The following EYA3 variants were observed in gnomAD, a reference collection of about 807,000 sequenced individuals.
EYA3 encodes protein phosphatase EYA3.
EYA3 carries 39 observed loss-of-function variants against 80.0 expected under a neutral mutation model. The observed-to-expected ratio is 0.49, with a 90% CI of 0.38 to 0.64. The LOEUF (loss-of-function observed/expected upper bound fraction) is 0.64, where lower values mean the gene tolerates loss of function less well. Ranked by LOEUF, EYA3 falls within the 30% of genes least tolerant of loss-of-function variation. The probability of loss-of-function intolerance (pLI) is 0.00; values close to 1 mark genes in which losing one functional copy is unlikely to be tolerated. For synonymous variants in EYA3, 206 were observed against 232.8 expected (o/e 0.88, Z 1.05); for missense variants, 523 against 676.1 (o/e 0.77, Z 2.51).
In EYA3 at chr1:27,978,414, A is replaced by G. The variant is rs1639086428; in HGVS notation, c.1601T>C (p.Val534Ala). ...SRFGKKVTYVVIGDGRDEEIA... is the reference protein window; with the variant it reads ...SRFGKKVTYVAIGDGRDEEIA... ...TTCTTCATCTCGTCCATCTCCAATCACTACATATGTGACTTTCTTTCCAAA... is the reference window on the plus strand; with the variant it reads ...TTCTTCATCTCGTCCATCTCCAATCGCTACATATGTGACTTTCTTTCCAAA... The change falls in exon 17 of 18, where the codon GTG becomes GCG. Residue 534 changes from valine to alanine, a missense_variant. Val to Ala is a moderately conservative substitution (Grantham distance 64). Coordinates refer to ENST00000373871, the MANE Select transcript of EYA3 (RefSeq NM_001990.4). 6.2e-7 allele frequency: 1 copy of G among 1,613,946 alleles called. No homozygotes were observed. The highest frequency in any genetic ancestry group is 8.5e-7 in the Non-Finnish European group (1 of 1,179,982).
In EYA3 at chr1:28,040,865, C is replaced by T. The variant is rs187001591; in HGVS notation, c.157+1706G>A. On this transcript the variant is annotated intron_variant, in intron 4 of 17. Transcript: ENST00000373871. ...CAAGGGCGGAGGGGCAGGGGGGGGT[C>T]GGGGGAGCAGTGTTTATGTTTTAAA... 1.1e-3 allele frequency among the ~76,000 whole-genome samples: 128 copies of T among 113,894 alleles called. 2 individuals are homozygous for T. Among genetic ancestry groups the T allele is most frequent in the African/African-American group, 4.0e-3 (122 of 30,552 alleles). 74.7% of individuals were successfully genotyped at this position (113,894 alleles called of 152,430 possible).
intron 8 of EYA3, among the ~76,000 whole-genome samples, chr1:28,014,417 C>CAAAA (rs1173842687): frequency 8.1e-5 from 4 of 49,540 alleles, no homozygotes; most frequent in Non-Finnish European, 1.6e-4. Context: ...CACACTGTCT[C>CAAAA]AAAAAAAAAA....
intron 1 of EYA3, among the ~76,000 whole-genome samples, chr1:28,058,855 C>G (rs914910869): frequency 1.3e-5 from 2 of 152,130 alleles, no homozygotes; most frequent in East Asian, 3.9e-4. Context: ...GTCCTACTGA[C>G]AGGAGACAAA....
chr1:28,036,507 G>A (rs969883822), intron 5 of EYA3, among the ~76,000 whole-genome samples: 4 of 152,162 alleles, frequency 2.6e-5, no homozygotes, highest in African/African-American at 9.7e-5. Flanking sequence ...GTAGAGATGG[G>A]TTCCAATATC....
chr1:28,083,763 T>C (rs184316551), intron 1 of EYA3, among the ~76,000 whole-genome samples: 1 of 152,338 alleles, frequency 6.6e-6, no homozygotes, highest in Admixed American at 6.5e-5. Context: ...TATTTAATTC[T>C]AATTATGTTG....
At chr1:27,977,038 T>G (rs1342068408) in intron 17 of EYA3, 46 of 985,130 alleles carry the variant, frequency 4.7e-5, no homozygotes, top group Non-Finnish European at 5.2e-5. Flanking sequence ...TATTCTGTTG[T>G]AGATGATTAA....
chr1:27,991,417 A>G (rs1640052803), intron 14 of EYA3, among the ~76,000 whole-genome samples: 1 of 152,180 alleles, frequency 6.6e-6, no homozygotes, highest in African/African-American at 2.4e-5. Flanking sequence ...ACTACCCAAG[A>G]CTAGATATCT....
At position 27,993,448 on chromosome 1, in the gene EYA3, A is replaced by G. The variant is rs1292107854; in HGVS notation, c.1255T>C (p.Tyr419His). 4 of 1,613,560 alleles carry G rather than the reference A, an allele frequency of 2.5e-6. No homozygotes were observed. Among genetic ancestry groups the G allele is most frequent in the Non-Finnish European group, 3.4e-6 (4 of 1,179,800 alleles). Residue 419 changes from tyrosine (Y) to histidine (H), a missense_variant, in exon 14 of 18, where the codon TAC becomes CAC. By Grantham distance (83) the Tyr-to-His change is moderately conservative. Coordinates refer to ENST00000373871, the MANE Select transcript of EYA3 (RefSeq NM_001990.4). Reference protein sequence around the residue: ...VDWMRKLAFRYRKVREIYDKH... With the variant: ...VDWMRKLAFRHRKVREIYDKH... ...TCATAGATTTCTCTCACTTTCCGGTAGCGGAAAGCTAGTTTCCTCATCCAG... is the reference window on the plus strand; with the variant it reads ...TCATAGATTTCTCTCACTTTCCGGTGGCGGAAAGCTAGTTTCCTCATCCAG...
intron 4 of EYA3, among the ~76,000 whole-genome samples, chr1:28,040,031 G>T (rs927921520): frequency 6.6e-6 from 1 of 152,082 alleles, no homozygotes; most frequent in African/African-American, 2.4e-5. Flanking sequence ...AACATCCTAG[G>T]AGACTGAGGC....
intron 1 of EYA3, among the ~76,000 whole-genome samples, chr1:28,074,481 T>C (rs1645134327): frequency 6.6e-6 from 1 of 151,842 alleles, no homozygotes; most frequent in South Asian, 2.1e-4. Context: ...TTTAGTTATT[T>C]AGACATGGTT....
chr1:28,063,971 A>G (rs1644736690), intron 1 of EYA3, among the ~76,000 whole-genome samples: 1 of 146,320 alleles, frequency 6.8e-6, no homozygotes, highest in Admixed American at 6.9e-5. Context: ...ATTTTAGACA[A>G]TTTTTTTTTT....
rs1280825209 is a variant in EYA3, at chr1:27,975,728, C to T, written c.1642-1182G>A. ...TCTTGATCTCCTGACCTCATGATCG[C>T]CCGTCTTGGCCTCCCAAAGTGTTGG... On this transcript the variant is annotated intron_variant, in intron 17 of 17. Coordinates refer to ENST00000373871, the MANE Select transcript of EYA3 (RefSeq NM_001990.4). Among the ~76,000 whole-genome samples the T allele has an allele frequency of 2.6e-5, 4 of 152,248 alleles. 1 individual carries two copies. Among genetic ancestry groups the T allele is most frequent in the Admixed American group, 2.0e-4 (3 of 15,292 alleles).
At chr1:28,051,122 A>G (rs1644230735) in intron 2 of EYA3, among the ~76,000 whole-genome samples, 1 of 152,212 alleles carries the variant, frequency 6.6e-6, no homozygotes, top group Non-Finnish European at 1.5e-5. Context: ...CAGTAATACA[A>G]GCTGCCAGGA....
In EYA3 at chr1:28,009,404, C is replaced by T. The variant is rs1641526491; in HGVS notation, c.909+1543G>A. Reference sequence around the variant, plus strand: ...TGGTGGCTCACGTCTGTAATCCCAGCACTATGGGAGGCCGAGGCAGGCGGA... The same window carrying T: ...TGGTGGCTCACGTCTGTAATCCCAGTACTATGGGAGGCCGAGGCAGGCGGA... On this transcript the variant is annotated intron_variant, in intron 10 of 17. Transcript: ENST00000373871. The surrounding 1 kb of genome is among the most constrained non-coding windows in gnomAD (Gnocchi z 4.8). 6.6e-6 allele frequency among the ~76,000 whole-genome samples: 1 copy of T among 152,150 alleles called. No individual in the cohort carries two copies.
At chr1:28,058,149 G>A (rs1644497138) in intron 1 of EYA3, 55 bp from the exon 2 acceptor site, 1 of 631,530 alleles carries the variant, frequency 1.6e-6, no homozygotes, top group Admixed American at 3.0e-5. Flanking sequence ...TATTATCATT[G>A]AGGCCATCAG....
intron 8 of EYA3, among the ~76,000 whole-genome samples, chr1:28,016,022 A>G (rs1642035790): frequency 6.6e-6 from 1 of 152,204 alleles, no homozygotes; most frequent in South Asian, 2.1e-4. Context: ...TGTAATTATC[A>G]TGAGGGAGGA....
chr1:27,991,700 C>T (rs1010071674), intron 14 of EYA3, among the ~76,000 whole-genome samples: 1 of 152,158 alleles, frequency 6.6e-6, no homozygotes, highest in African/African-American at 2.4e-5. Context: ...AAACCAGTAC[C>T]TATATATGAT....
chr1:27,991,343 G>A (rs1640049052), intron 14 of EYA3, among the ~76,000 whole-genome samples: 1 of 152,080 alleles, frequency 6.6e-6, no homozygotes. Context: ...TGAAATTCCA[G>A]GTTGAATGAC....
At chr1:28,044,324 T>C (rs989291706) in intron 3 of EYA3, among the ~76,000 whole-genome samples, 5 of 152,216 alleles carry the variant, frequency 3.3e-5, no homozygotes, top group African/African-American at 1.2e-4. Flanking sequence ...AACTTATCTG[T>C]TCCCCGCTTT....
Sources: gnomAD v4.1 joint callset for allele counts (sites outside exome capture counted in the v4.1 genomes callset) on GRCh38, gnomAD v4.1.1 for gene constraint, Gnocchi (gnomAD v3.1) non-coding constraint, MANE v1.5 for transcripts, NCBI Gene and HGNC (gene_info 2026-07-23, HGNC 2026-07-21) for gene names.